Variants in BPTF observed in about 807,000 individuals in gnomAD.
BPTF encodes the protein bromodomain PHD finger transcription factor.
Under a neutral mutation model 292.5 loss-of-function variants are expected in BPTF, and 18 were observed. That is an observed-to-expected ratio of 0.06 (90% confidence interval 0.04 to 0.09). The LOEUF (loss-of-function observed/expected upper bound fraction) is 0.09, where lower values mean the gene tolerates loss of function less well. BPTF is among the 10% of genes least tolerant of loss of function. BPTF has a pLI of 1.00. For missense variants in BPTF, 2,726 were observed against 3,498.7 expected, an observed-to-expected ratio of 0.78 and a Z score of 5.57; for synonymous variants, 1,225 against 1,251.9, an observed-to-expected ratio of 0.98 and a Z score of 0.45.
chr17:67,848,085 A>G (rs1441793129), intron 1 of BPTF, among the ~76,000 whole-genome samples: 1 of 152,204 alleles, frequency 6.6e-6, no homozygotes, highest in Non-Finnish European at 1.5e-5. Flanking sequence ...AAATAAGGGG[A>G]CAATGTTACA....
chr17:67,837,842 G>C (rs1449873581), intron 1 of BPTF, among the ~76,000 whole-genome samples: 2 of 152,224 alleles, frequency 1.3e-5, no homozygotes, highest in African/African-American at 4.8e-5. Context: ...CACTTGCGAT[G>C]TGATATGAGA....
intron 19 of BPTF, among the ~76,000 whole-genome samples, chr17:67,941,399 G>A (rs1221898292): frequency 6.6e-6 from 1 of 152,202 alleles, no homozygotes; most frequent in Non-Finnish European, 1.5e-5. Context: ...GTTGTAGTGA[G>A]CTGAGATTGC....
chr17:67,899,264 C>T (rs2061658620), intron 7 of BPTF, among the ~76,000 whole-genome samples: 2 of 152,276 alleles, frequency 1.3e-5, no homozygotes, highest in Middle Eastern at 3.4e-3. Context: ...GCAGGAAGTA[C>T]AGAGCCAGCC....
Position 67,877,255 on chromosome 17 carries a change from GT to G in BPTF, c.1864+2237del, listed in dbSNP as rs2060106488. Among the ~76,000 whole-genome samples the G allele has an allele frequency of 1.3e-5, 2 of 152,182 alleles. 1 individual carries two copies. Among genetic ancestry groups the G allele is most frequent in the African/African-American group, 4.8e-5 (2 of 41,454 alleles). On this transcript the variant is annotated intron_variant, in intron 4 of 27. Coordinates refer to ENST00000306378, the MANE Select transcript of BPTF (RefSeq NM_182641.4). The stretch of plus-strand genomic sequence containing the variant: ...GTGGGCAGTAGACGGACTTAATAGA[GT>G]TCTGACCTTCACCTGCTTCCTTCTG...
chr17:67,855,732 T>C (rs2058652593), intron 2 of BPTF, among the ~76,000 whole-genome samples: 1 of 152,242 alleles, frequency 6.6e-6, no homozygotes, highest in African/African-American at 2.4e-5. Context: ...GGCTACTTTG[T>C]GTCTTCAGCT....
chr17:67,964,811 A>G lies in BPTF; in HGVS notation c.8454+407A>G, dbSNP rs557610963. 3.0e-4 allele frequency among the ~76,000 whole-genome samples: 45 copies of G among 150,542 alleles called. No homozygotes were observed. In the East Asian group the frequency reaches 3.6e-3, roughly 12 times the overall value. ...GTCAGGAGATCAGACCATCCTGGCT[A>G]ACACGGTGAAACCCCGTCTCTACTA... On this transcript the variant is annotated intron_variant, in intron 25 of 27. Coordinates refer to ENST00000306378, the MANE Select transcript of BPTF (RefSeq NM_182641.4).
At chr17:67,910,323 A>T (rs1317048527) in intron 10 of BPTF, among the ~76,000 whole-genome samples, 1 of 152,160 alleles carries the variant, frequency 6.6e-6, no homozygotes, top group Non-Finnish European at 1.5e-5. Flanking sequence ...ATGAACATTC[A>T]TGCAGAAGTT....
chr17:67,945,367 T>C (rs1555673913), intron 20 of BPTF, 42 bp from the exon 21 acceptor site: 1 of 1,558,014 alleles, frequency 6.4e-7, no homozygotes, highest in Non-Finnish European at 8.7e-7. Context: ...CACAGTTTTA[T>C]GTTCCAGAGT....
At chr17:67,918,899 G>C in intron 12 of BPTF, 61 bp downstream of exon 12, 2 of 1,563,678 alleles carry the variant, frequency 1.3e-6, no homozygotes, top group South Asian at 1.1e-5. Context: ...CAGGCCAGGC[G>C]TGGGCGCTCA....
At chr17:67,925,492 T>C (rs1275877564) in intron 15 of BPTF, among the ~76,000 whole-genome samples, 1 of 152,128 alleles carries the variant, frequency 6.6e-6, no homozygotes, top group Admixed American at 6.6e-5. Context: ...AGGGAGACCC[T>C]GTCTCTAATA....
intron 22 of BPTF, 43 bp from the exon 23 acceptor site, chr17:67,948,038 A>G (rs1218087031): frequency 1.3e-6 from 2 of 1,561,276 alleles, no homozygotes; most frequent in Non-Finnish European, 1.8e-6. Context: ...AGCCTTTCAA[A>G]ATGAAACGCC....
In BPTF at chr17:67,826,084, C is replaced by G. The variant is rs775223816; in HGVS notation, c.360C>G (p.Ala120=). 6.1e-6 allele frequency: 8 copies of G among 1,318,842 alleles called. No individual in the cohort carries two copies. In the African/African-American group the frequency reaches 9.1e-5, roughly 15 times the overall value. 81.7% of individuals were successfully genotyped at this position (1,318,842 alleles called of 1,614,324 possible). A position where few individuals can be genotyped will look rare whatever the true frequency, so the allele number is the denominator to read the frequency against. ...HLARTTAARR[A]VNKVVYDDHE... is the part of the protein sequence containing the mutation. ...CCCGGACCACCGCGGCCCGGAGGGC[C>G]GTCAACAAAGTGGTGTACGATGACC... Residue 120 remains alanine (A), a synonymous_variant, in exon 1 of 28, where the codon GCC becomes GCG. Coordinates refer to ENST00000306378, the MANE Select transcript of BPTF (RefSeq NM_182641.4).
At chr17:67,909,279 CTT>C (rs35827193) in intron 9 of BPTF, among the ~76,000 whole-genome samples, 1,454 of 91,342 alleles carry the variant, frequency 0.016, 29 homozygotes, top group African/African-American at 0.076. Context: ...CCCCCCCCCC[CTT>C]TTTTTTTTTA....
At chr17:67,952,781 C>T (rs765112656) in intron 23 of BPTF, among the ~76,000 whole-genome samples, 62 of 152,254 alleles carry the variant, frequency 4.1e-4, no homozygotes, top group Non-Finnish European at 7.4e-4. Flanking sequence ...CCTAATGTAA[C>T]GTATTCATCA....
At chr17:67,917,131 C>CCTTTTTTTTTTTTTTTTT (rs2063065953) in intron 11 of BPTF, among the ~76,000 whole-genome samples, 31 of 105,784 alleles carry the variant, frequency 2.9e-4, no homozygotes, top group African/African-American at 1.1e-3. Context: ...TGGTATTGTC[C>CCTTTTTTTTTTTTTTTTT]TTTTTTTTTT....
rs184288645 is a variant in BPTF at position 67,894,621 on chromosome 17, C to G, written c.2543+456C>G. ...GGGATTACAGGTGTGAGCCACCGCA[C>G]CCACCATGAATATTAGTTCTTATTT... On this transcript the variant is annotated intron_variant, in intron 7 of 27. Coordinates refer to ENST00000306378, the MANE Select transcript of BPTF (RefSeq NM_182641.4). Among the ~76,000 whole-genome samples the G allele has an allele frequency of 4.9e-3, 750 of 152,252 alleles. 10 individuals are homozygous for G. The highest frequency in any genetic ancestry group is 0.017 in the African/African-American group (713 of 41,536).
chr17:67,904,786 G>C lies in BPTF; in HGVS notation c.2758G>C (p.Val920Leu). The change falls in exon 9 of 28, where the codon GTT (valine) becomes CTT (leucine). Residue 920 changes from valine (V) to leucine (L), a missense_variant. By Grantham distance (32) the Val-to-Leu change is conservative. Transcript: ENST00000306378. ...WISKTHVYRFVPKLPGNTNVN... is the reference protein window; with the variant it reads ...WISKTHVYRFLPKLPGNTNVN... ...TAGTAAAACTCATGTTTATAGGTTT[G>C]TTCCTAAATTGCCAGGCAATACTAA... is the stretch of plus-strand genomic sequence containing the variant. 6.2e-7 allele frequency: 1 copy of C among 1,613,146 alleles called. No individual in the cohort carries two copies. Among genetic ancestry groups the C allele is most frequent in the African/African-American group, 1.3e-5 (1 of 75,012 alleles).
At chr17:67,863,354 G>A (rs1598312993) in intron 2 of BPTF, among the ~76,000 whole-genome samples, 1 of 152,140 alleles carries the variant, frequency 6.6e-6, no homozygotes, top group South Asian at 2.1e-4. Context: ...GCACGATCTC[G>A]GCTCACTGCA....
At chr17:67,831,890 A>T (rs2056715221) in intron 1 of BPTF, among the ~76,000 whole-genome samples, 2 of 151,718 alleles carry the variant, frequency 1.3e-5, no homozygotes, top group Admixed American at 1.3e-4. Flanking sequence ...TGATTATTCT[A>T]ATTTTATTTA....
Sources: gnomAD v4.1 joint callset for allele counts (sites outside exome capture counted in the v4.1 genomes callset) on GRCh38, gnomAD v4.1.1 for gene constraint, MANE v1.5 for transcripts, NCBI Gene and HGNC (gene_info 2026-07-23, HGNC 2026-07-21) for gene names.